The following TMPRSS5 variants were observed in gnomAD, a reference collection of about 807,000 sequenced individuals.
The protein encoded by TMPRSS5 is transmembrane protease serine 5.
TMPRSS5 carries 45 observed loss-of-function variants against 59.7 expected under a neutral mutation model. The observed-to-expected ratio is 0.75, with a 90% CI of 0.59 to 0.97. The LOEUF is 0.97. TMPRSS5 is among the 50% of genes least tolerant of loss of function. TMPRSS5 has a pLI of 0.00. For synonymous variants in TMPRSS5, 225 were observed against 232.0 expected, an observed-to-expected ratio of 0.97 and a Z score of 0.27; for missense variants, 585 against 596.7, an observed-to-expected ratio of 0.98 and a Z score of 0.20.
intron 12 of TMPRSS5, among the ~76,000 whole-genome samples, chr11:113,689,074 T>G (rs1952683276): frequency 6.6e-6 from 1 of 152,086 alleles, no homozygotes; most frequent in Non-Finnish European, 1.5e-5. Flanking sequence ...AATAACACGA[T>G]AGGCCGGGCA....
Position 113,697,369 on chromosome 11 carries a change from C to A in TMPRSS5, c.378G>T (p.Arg126Ser), listed in dbSNP as rs748691893. The A allele has an allele frequency of 6.2e-6, 10 of 1,613,854 alleles. No homozygotes were observed. The South Asian group carries it at 1.1e-4, about 18-fold the overall frequency. Residue 126 changes from arginine to serine, a missense_variant, in exon 5 of 13, where the codon AGG becomes AGT. Transcript: ENST00000299882. ...AGACCAGGAGCCAGCGTGGCTGATC[C>A]CTCACTTGCGCTTCCAGCAAGAAGT... ...SEDFLLEAQV[R>S]DQPRWLLVCH... is the part of the protein sequence containing the mutation.
In TMPRSS5 at chr11:113,690,330, G is replaced by A. The variant is rs750782352; in HGVS notation, c.1107C>T (p.Phe369=). The A allele has an allele frequency of 6.2e-7, 1 of 1,603,916 alleles. No individual in the cohort carries two copies. The highest frequency in any genetic ancestry group is 8.5e-7 in the Non-Finnish European group (1 of 1,176,042). The change falls in exon 11 of 13, where the codon TTC becomes TTT. Residue 369 remains phenylalanine, a synonymous_variant. Coordinates refer to ENST00000299882, the MANE Select transcript of TMPRSS5 (RefSeq NM_030770.4). The part of the protein sequence containing the change: ...DMLQDTVVPL[F]STQLCNSSCV... ...AAGAGCTGTTGCAGAGCTGAGTGCT[G>A]AACAAGGGCACCACCGTGTCCTGGA...
Position 113,693,083 on chromosome 11 carries a change from G to C in TMPRSS5, c.952C>G (p.Leu318Val). The change falls in exon 9 of 13, where the codon CTC (leucine) becomes GTC (valine). Residue 318 changes from leucine to valine, a missense_variant. Physicochemically the swap from Leu to Val is conservative, Grantham distance 32. Coordinates refer to ENST00000299882, the MANE Select transcript of TMPRSS5 (RefSeq NM_030770.4). ...GCCAGTGCCGCACCTGAGAAGTTGA[G>C]AGCGGTCTGGAGCCTCAGGAGGGCG... Reference protein sequence around the residue: ...DVALLRLQTALNFSDTVGAVC... With the variant: ...DVALLRLQTAVNFSDTVGAVC... 1.9e-6 allele frequency: 3 copies of C among 1,570,062 alleles called. No homozygotes were observed. The highest frequency in any genetic ancestry group is 2.4e-5 in the East Asian group (1 of 42,470).
Position 113,694,464 on chromosome 11 carries a change from C to A in TMPRSS5, c.785+14G>T. On this transcript the variant is annotated intron_variant, in intron 8 of 12. Transcript: ENST00000299882. The stretch of plus-strand genomic sequence containing the variant: ...AACTGAGGCTCTCTGTCCTCAGCAG[C>A]CACAGAGACTTGCCTGTGCATACAA... The A allele has an allele frequency of 6.4e-7, 1 of 1,556,638 alleles. No individual in the cohort carries two copies. The highest frequency in any genetic ancestry group is 1.9e-5 in the Admixed American group (1 of 52,280).
At chr11:113,699,714 G>T in intron 2 of TMPRSS5, 21 bp from the exon 3 acceptor site, 1 of 1,552,846 alleles carries the variant, frequency 6.4e-7, no homozygotes, top group Non-Finnish European at 8.7e-7. Flanking sequence ...GGGCAGAGGG[G>T]TATCTGGGTC....
Position 113,700,177 on chromosome 11 carries a change from A to G in TMPRSS5, c.4-9T>C. The stretch of plus-strand genomic sequence containing the variant: ...TCATCCAGCATCAGGCTCTGGGGAA[A>G]TAAGGGCCAGACACCCAGGATCCCC... On this transcript the variant is annotated splice_polypyrimidine_tract_variant and intron_variant, in intron 1 of 12. Transcript: ENST00000299882. The G allele has an allele frequency of 6.5e-7, 1 of 1,544,466 alleles. No individual in the cohort carries two copies. The highest frequency in any genetic ancestry group is 8.8e-7 in the Non-Finnish European group (1 of 1,142,602).
chr11:113,696,843 C>A lies in TMPRSS5; in HGVS notation c.578+15G>T. ...GTAAGGGACCCCACTCACCTAACAG[C>A]CTCAGTAGTCCTACCTGGGCTGCCA... On this transcript the variant is annotated intron_variant, in intron 6 of 12. Coordinates refer to ENST00000299882, the MANE Select transcript of TMPRSS5 (RefSeq NM_030770.4). 2 of 1,539,810 alleles carry A rather than the reference C, an allele frequency of 1.3e-6. No individual in the cohort carries two copies. Among genetic ancestry groups the A allele is most frequent in the South Asian group, 1.2e-5 (1 of 83,812 alleles).
Position 113,689,745 on chromosome 11 carries a change from A to T in TMPRSS5, c.1359+20T>A. 1 of 1,605,036 alleles carries T rather than the reference A, an allele frequency of 6.2e-7. No individual in the cohort carries two copies. Among genetic ancestry groups the T allele is most frequent in the Non-Finnish European group, 8.5e-7 (1 of 1,176,002 alleles). ...GGTCCTTTAGAAATCTCCCTGCCCT[A>T]CTCCTGCCCCCACACTCACCTGAGC... On this transcript the variant is annotated intron_variant, in intron 12 of 12. Transcript: ENST00000299882.
In TMPRSS5 at chr11:113,706,241, G is replaced by A; in HGVS notation, c.-17C>T. 6.2e-7 allele frequency: 1 copy of A among 1,601,236 alleles called. No individual in the cohort carries two copies. The highest frequency in any genetic ancestry group is 8.5e-7 in the Non-Finnish European group (1 of 1,174,072). ...CCTTACCATAGGGGTCAGTGGCACTGTTGTAAAGCCTCAGGGTCTACTAGG... is the reference window on the plus strand; with the variant it reads ...CCTTACCATAGGGGTCAGTGGCACTATTGTAAAGCCTCAGGGTCTACTAGG... On this transcript the variant is annotated 5_prime_UTR_variant, in exon 1 of 13. Coordinates refer to ENST00000299882, the MANE Select transcript of TMPRSS5 (RefSeq NM_030770.4).
intron 1 of TMPRSS5, among the ~76,000 whole-genome samples, chr11:113,704,609 T>C (rs1953236044): frequency 1.3e-5 from 2 of 152,160 alleles, no homozygotes; most frequent in Admixed American, 6.5e-5. Flanking sequence ...CTTCAGTGCC[T>C]TCAGGCACTC....
intron 8 of TMPRSS5, 91 bp downstream of exon 8, chr11:113,694,387 G>A (rs1320070177): frequency 2.1e-6 from 3 of 1,403,374 alleles, no homozygotes; most frequent in Non-Finnish European, 2.9e-6. Context: ...GCTGGAGACA[G>A]TTGGACACGA....
chr11:113,696,115 C>T (rs565885975), intron 6 of TMPRSS5, among the ~76,000 whole-genome samples: 157 of 152,218 alleles, frequency 1.0e-3, no homozygotes, highest in African/African-American at 3.6e-3. Context: ...TTCAGGTATC[C>T]AAGACAAGAA....
rs1168208064 is a variant in TMPRSS5 at position 113,695,391 on chromosome 11, A to G, written c.622+9T>C. On this transcript the variant is annotated intron_variant, in intron 7 of 12. Coordinates refer to ENST00000299882, the MANE Select transcript of TMPRSS5 (RefSeq NM_030770.4). ...ACCGCCACCTCCCCTAGACCAAGAT[A>G]TGACTCACCAGAGCATCTGAGGGAA... 4 of 1,613,842 alleles carry G rather than the reference A, an allele frequency of 2.5e-6. No homozygotes were observed. The highest frequency in any genetic ancestry group is 1.1e-5 in the South Asian group (1 of 91,048).
chr11:113,699,501 G>A (rs1953060364), intron 3 of TMPRSS5, 94 bp downstream of exon 3: 2 of 1,028,168 alleles, frequency 1.9e-6, no homozygotes, highest in South Asian at 3.1e-5. Context: ...AGTAGTTGAG[G>A]AAGACAGTTG....
At chr11:113,704,196 T>C (rs1429100064) in intron 1 of TMPRSS5, among the ~76,000 whole-genome samples, 1 of 151,924 alleles carries the variant, frequency 6.6e-6, no homozygotes, top group Non-Finnish European at 1.5e-5. Flanking sequence ...GTAATGAAAA[T>C]AAGATCTTAA....
At chr11:113,699,299 C>G (rs1037548893) in intron 3 of TMPRSS5, among the ~76,000 whole-genome samples, 1 of 144,994 alleles carries the variant, frequency 6.9e-6, no homozygotes, top group African/African-American at 2.6e-5. Context: ...CTCTGTCTCT[C>G]TCTCTCTCTA....
At chr11:113,690,149 A>G (rs927102713) in intron 11 of TMPRSS5, 82 bp downstream of exon 11, 3 of 1,475,718 alleles carry the variant, frequency 2.0e-6, no homozygotes, top group South Asian at 1.3e-5. Context: ...AGACCAGGGC[A>G]GGGGGCCAAG....
At chr11:113,692,339 G>A (rs114211600) in intron 9 of TMPRSS5, among the ~76,000 whole-genome samples, 2,609 of 152,308 alleles carry the variant, frequency 0.017, 84 homozygotes, top group African/African-American at 0.057. Flanking sequence ...TGTGTACAGT[G>A]TGCATGTTTG....
chr11:113,690,176 G>GGCCAACCC, intron 11 of TMPRSS5, 55 bp downstream of exon 11: 2 of 388,230 alleles, frequency 5.2e-6, no homozygotes, highest in Non-Finnish European at 8.3e-6. Context: ...CAGGCCCCCT[G>GGCCAACCC]CCCTCCCACC....
Sources: allele counts gnomAD v4.1 joint callset (sites outside exome capture counted in the v4.1 genomes callset), GRCh38; gene constraint gnomAD v4.1.1; transcripts MANE v1.5; gene names NCBI Gene and HGNC (gene_info 2026-07-23, HGNC 2026-07-21).